Variants in ZNF362 observed in about 807,000 individuals in gnomAD.
The protein encoded by ZNF362 is rotund homolog.
In ZNF362, 11 loss-of-function variants were observed where a neutral mutation model predicts 42.9. That is an observed-to-expected ratio of 0.26 (90% confidence interval 0.16 to 0.42). The LOEUF (loss-of-function observed/expected upper bound fraction) is 0.42, where lower values mean the gene tolerates loss of function less well. Among genes scored for constraint, ZNF362 ranks in the 20% least tolerant of loss-of-function variants. ZNF362 has a pLI of 1.00. For synonymous variants in ZNF362, 255 were observed against 257.3 expected, an observed-to-expected ratio of 0.99 and a Z score of 0.09; for missense variants, 362 against 576.2, an observed-to-expected ratio of 0.63 and a Z score of 3.81.
At chr1:33,192,250 C>T in the ZNF362 span, among the ~76,000 whole-genome samples, 1 of 152,218 alleles carries the variant, frequency 6.6e-6, no homozygotes, top group South Asian at 2.1e-4. Context: ...GCCTCCACAT[C>T]TCTCAGATGT....
the ZNF362 span, among the ~76,000 whole-genome samples, chr1:33,220,271 T>A: frequency 1.3e-5 from 2 of 152,212 alleles, no homozygotes; most frequent in African/African-American, 4.8e-5. Context: ...TATAGACTTC[T>A]ATTCCATTGT....
At chr1:33,183,182 A>G in the ZNF362 span, among the ~76,000 whole-genome samples, 28 of 152,312 alleles carry the variant, frequency 1.8e-4, no homozygotes, top group African/African-American at 6.5e-4. Flanking sequence ...GGGTATTGCA[A>G]GTACAGACAC....
the ZNF362 span, among the ~76,000 whole-genome samples, chr1:33,149,303 C>G: frequency 3.9e-5 from 6 of 152,168 alleles, no homozygotes; most frequent in African/African-American, 1.4e-4. Context: ...TAGGCACGCG[C>G]CACCACGCCT....
intron 6 of ZNF362, among the ~76,000 whole-genome samples, chr1:33,287,499 CA>C (rs1301515007): frequency 1.3e-5 from 2 of 152,180 alleles, no homozygotes; most frequent in African/African-American, 4.8e-5. Flanking sequence ...AAACAACAAA[CA>C]AACCAACCAT....
chr1:33,202,387 G>T, the ZNF362 span, among the ~76,000 whole-genome samples: 2 of 152,104 alleles, frequency 1.3e-5, no homozygotes, highest in African/African-American at 4.8e-5. Context: ...ACAAGGTCAG[G>T]AGATTGAGAT....
chr1:33,189,303 G>A, the ZNF362 span, among the ~76,000 whole-genome samples: 7 of 152,048 alleles, frequency 4.6e-5, no homozygotes, highest in Admixed American at 4.6e-4. Flanking sequence ...TTCCAATGCA[G>A]GGATCACAAC....
intron 6 of ZNF362, among the ~76,000 whole-genome samples, chr1:33,293,040 C>G (rs1188827678): frequency 6.6e-6 from 1 of 152,230 alleles, no homozygotes; most frequent in African/African-American, 2.4e-5. Flanking sequence ...CCGTCCCTGC[C>G]CTCGGGATTC....
chr1:33,174,983 A>T, the ZNF362 span, among the ~76,000 whole-genome samples: 380 of 133,038 alleles, frequency 2.9e-3, 5 homozygotes, highest in African/African-American at 1.0e-2. Context: ...ACATATACAT[A>T]TATATGCACA....
chr1:33,232,939 T>C, the ZNF362 span, among the ~76,000 whole-genome samples: 2 of 152,212 alleles, frequency 1.3e-5, no homozygotes, highest in South Asian at 2.1e-4. Flanking sequence ...AAATGCATCA[T>C]CTCATTTCTT....
At chr1:33,242,902 A>G in the ZNF362 span, among the ~76,000 whole-genome samples, 16 of 152,286 alleles carry the variant, frequency 1.1e-4, no homozygotes, top group African/African-American at 3.6e-4. Context: ...AAAAACATTC[A>G]TACCAAAACC....
At chr1:33,180,968 C>A in the ZNF362 span, 4 of 464,724 alleles carry the variant, frequency 8.6e-6, no homozygotes, top group East Asian at 2.7e-4. Context: ...CCACCCCCCG[C>A]CCGGCCCCAC....
the ZNF362 span, among the ~76,000 whole-genome samples, chr1:33,132,750 C>T: frequency 1.0e-3 from 158 of 152,306 alleles, 1 homozygote; most frequent in East Asian, 0.027. Context: ...GCACATGGCA[C>T]GCACTTGAGT....
intron 1 of ZNF362, among the ~76,000 whole-genome samples, chr1:33,263,422 T>TA: frequency 6.6e-6 from 1 of 152,210 alleles, no homozygotes; most frequent in African/African-American, 2.4e-5. Context: ...GATTTTTTTT[T>TA]TTTTTTGAGA....
chr1:33,175,232 AGAGATGG>A, the ZNF362 span, among the ~76,000 whole-genome samples: 911 of 149,382 alleles, frequency 6.1e-3, 10 homozygotes, highest in African/African-American at 0.021. Context: ...TATTTTTAGT[AGAGATGG>A]GGGTTTCATA....
chr1:33,298,170 C>T (rs939336135), intron 8 of ZNF362, among the ~76,000 whole-genome samples: 3 of 152,130 alleles, frequency 2.0e-5, no homozygotes, highest in Non-Finnish European at 2.9e-5. Context: ...CCTACCCAGT[C>T]CTGGTGCCTC....
the ZNF362 span, among the ~76,000 whole-genome samples, chr1:33,193,385 C>T: frequency 2.0e-5 from 3 of 152,130 alleles, no homozygotes; most frequent in African/African-American, 7.2e-5. Flanking sequence ...GTGAAACTAC[C>T]TGTGATTCTC....
intron 6 of ZNF362, among the ~76,000 whole-genome samples, chr1:33,293,954 G>A (rs908821748): frequency 3.9e-5 from 6 of 152,086 alleles, no homozygotes; most frequent in South Asian, 2.1e-4. Context: ...CCTCCTTCCC[G>A]TCACTCATGG....
the ZNF362 span, chr1:33,181,139 C>A: frequency 6.2e-7 from 1 of 1,600,730 alleles, no homozygotes; most frequent in South Asian, 1.1e-5. This position sits in a 1 kb window ranked among gnomAD's most constrained non-coding sequence, Gnocchi z 6.5. Flanking sequence ...AGAGCTTGAC[C>A]TTGTCGTGCG....
At chr1:33,156,282 CTCCTT>C in the ZNF362 span, among the ~76,000 whole-genome samples, 4 of 152,230 alleles carry the variant, frequency 2.6e-5, no homozygotes, top group African/African-American at 9.6e-5. Context: ...CGCTTGAAAA[CTCCTT>C]TAAAGCATTG....
Sources: gnomAD v4.1 joint callset for allele counts (sites outside exome capture counted in the v4.1 genomes callset) on GRCh38, gnomAD v4.1.1 for gene constraint, Gnocchi (gnomAD v3.1) non-coding constraint, MANE v1.5 for transcripts, NCBI Gene and HGNC (gene_info 2026-07-23, HGNC 2026-07-21) for gene names.